APOL3: variants seen among roughly 807,000 people sequenced by gnomAD.
The protein encoded by APOL3 is apolipoprotein L3.
APOL3 carries 14 observed loss-of-function variants against 11.6 expected under a neutral mutation model. The ratio of observed to expected loss-of-function variants is 1.21; its 90% CI spans 0.80 to 1.89. The LOEUF is 1.89. Among genes scored for constraint, APOL3 ranks in the 40% most tolerant of loss-of-function variants. The pLI is 0.00. For synonymous variants in APOL3, 192 were observed against 190.6 expected (o/e 1.01, Z -0.06); for missense variants, 483 against 492.1 (o/e 0.98, Z 0.17).
intron 1 of APOL3, among the ~76,000 whole-genome samples, chr22:36,147,683 G>A (rs1271290916): frequency 6.6e-6 from 1 of 152,154 alleles, no homozygotes; most frequent in Non-Finnish European, 1.5e-5. Flanking sequence ...GGGGTATTTT[G>A]CTTTTATTTT....
intron 1 of APOL3, among the ~76,000 whole-genome samples, chr22:36,154,878 C>T (rs1480813426): frequency 3.3e-5 from 5 of 152,160 alleles, no homozygotes; most frequent in African/African-American, 1.2e-4. Flanking sequence ...GCTGAGATAC[C>T]CACTGGTAGA....
intron 1 of APOL3, among the ~76,000 whole-genome samples, chr22:36,148,059 A>C (rs183226941): frequency 3.9e-5 from 6 of 152,378 alleles, no homozygotes; most frequent in African/African-American, 1.4e-4. Context: ...TCCTTATTCC[A>C]CTTCCATATT....
rs138854776 is a variant in APOL3, at chr22:36,150,713, G to GCACA, written c.224-5118_224-5115dup. 7.3e-5 allele frequency among the ~76,000 whole-genome samples: 11 copies of GCACA among 150,082 alleles called. No individual in the cohort carries two copies. The East Asian group carries it at 7.8e-4, about 11-fold the overall frequency. ...GTGAAACCCTGTCTCTACTAAAAAT[G>GCACA]CACACACACACACACACACAAATTA... On this transcript the variant is annotated intron_variant, in intron 1 of 2. Transcript: ENST00000349314.
chr22:36,146,665 C>T (rs1049426886), intron 1 of APOL3, among the ~76,000 whole-genome samples: 3 of 151,910 alleles, frequency 2.0e-5, no homozygotes, highest in Non-Finnish European at 4.4e-5. Context: ...ACACAGGGTG[C>T]ATATGCTGTA....
intron 2 of APOL3, 28 bp downstream of exon 3, chr22:36,145,445 C>T (rs763406780): frequency 1.2e-6 from 2 of 1,611,854 alleles, no homozygotes; most frequent in Admixed American, 1.7e-5. Context: ...GCCGGGGCGC[C>T]CCATGGAGGT....
At chr22:36,154,549 G>A (rs1164092109) in intron 1 of APOL3, 5 of 461,158 alleles carry the variant, frequency 1.1e-5, no homozygotes, top group African/African-American at 2.0e-5. Context: ...GTTCCTGTTC[G>A]TAAGTGTTGA....
chr22:36,152,840 G>A lies in APOL3; in HGVS notation c.224-7241C>T, dbSNP rs370374602. On this transcript the variant is annotated intron_variant, in intron 1 of 2. Coordinates refer to ENST00000349314, the Ensembl canonical transcript of APOL3. ...TAAAGAAAAGCTGGCTAGGCACACT[G>A]GTTCACATCTGTAATCCCAGCACTT... Among the ~76,000 whole-genome samples the A allele has an allele frequency of 7.9e-5, 12 of 152,296 alleles. No individual in the cohort carries two copies. The East Asian group carries it at 1.7e-3, about 22-fold the overall frequency.
chr22:36,151,746 A>G (rs1186097122), intron 1 of APOL3, among the ~76,000 whole-genome samples: 1 of 152,148 alleles, frequency 6.6e-6, no homozygotes, highest in Non-Finnish European at 1.5e-5. Context: ...TGAGTCCAGG[A>G]GTTCTAGACC....
intron 2 of APOL3, 53 bp downstream of exon 3, chr22:36,145,420 G>C: frequency 1.9e-6 from 3 of 1,600,860 alleles, no homozygotes; most frequent in Non-Finnish European, 2.6e-6. Context: ...GCCCAGGGGA[G>C]ATCAGGATGG....
chr22:36,149,976 A>T (rs1283425547), intron 1 of APOL3: 1 of 412,384 alleles, frequency 2.4e-6, no homozygotes, highest in East Asian at 7.5e-5. Flanking sequence ...TAGGCACATT[A>T]AAAAAAAATT....
At chr22:36,161,073 A>G, upstream of APOL3, 1 of 614,968 alleles carries the variant, frequency 1.6e-6, no homozygotes, top group Non-Finnish European at 2.9e-6. Flanking sequence ...ACCCCCAATA[A>G]CACCACACTC....
rs183831085 is a variant in APOL3 at position 36,159,240 on chromosome 22, T to A, written c.223+1429A>T. 4 of 152,296 alleles carry A rather than the reference T, an allele frequency of 2.6e-5. No individual in the cohort carries two copies. The East Asian group carries it at 7.8e-4, about 30-fold the overall frequency. 9.4% of individuals were successfully genotyped at this position (152,296 alleles called of 1,614,324 possible). ...ATGTCAACTTTCCCCTGACTCGCAC[T>A]GCCCCGCCTCCCACCTCACCCCAGA... On this transcript the variant is annotated intron_variant, in intron 1 of 2. Coordinates refer to ENST00000349314, the Ensembl canonical transcript of APOL3.
chr22:36,160,656 AC>A lies in APOL3; in HGVS notation c.223+12del. 9 of 1,613,464 alleles carry A rather than the reference AC, an allele frequency of 5.6e-6. No individual in the cohort carries two copies. The highest frequency in any genetic ancestry group is 7.6e-6 in the Non-Finnish European group (9 of 1,179,600). ...ATGGGGAGATGGGGAAGGTCAGACCACCCCTAACTTACCAAGGAAGCTTCTC... is the reference window on the plus strand; with the variant it reads ...ATGGGGAGATGGGGAAGGTCAGACCACCCTAACTTACCAAGGAAGCTTCTC... On this transcript the variant is annotated intron_variant, in intron 1 of 2. Coordinates refer to ENST00000349314, the Ensembl canonical transcript of APOL3.
intron 1 of APOL3, among the ~76,000 whole-genome samples, chr22:36,152,431 A>G (rs985518763): frequency 6.6e-6 from 1 of 152,230 alleles, no homozygotes; most frequent in East Asian, 1.9e-4. Flanking sequence ...TATGAGAACT[A>G]AATCTACTTG....
At chr22:36,152,968 G>A (rs1372839385) in intron 1 of APOL3, among the ~76,000 whole-genome samples, 4 of 152,040 alleles carry the variant, frequency 2.6e-5, no homozygotes, top group South Asian at 2.1e-4. Context: ...AAAATTAGCC[G>A]GGCATGGTGG....
At chr22:36,162,051 T>G (rs190753091), upstream of APOL3, among the ~76,000 whole-genome samples, 26 of 152,318 alleles carry the variant, frequency 1.7e-4, no homozygotes, top group African/African-American at 6.3e-4. Context: ...CCCGCATTCA[T>G]GATAAACAGT....
intron 1 of APOL3, among the ~76,000 whole-genome samples, chr22:36,151,751 T>C (rs1048280429): frequency 6.6e-6 from 1 of 152,152 alleles, no homozygotes; most frequent in African/African-American, 2.4e-5. Context: ...CCAGGAGTTC[T>C]AGACCAGTAT....
intron 1 of APOL3, among the ~76,000 whole-genome samples, chr22:36,157,660 A>T (rs755655236): frequency 6.6e-6 from 1 of 152,246 alleles, no homozygotes; most frequent in Non-Finnish European, 1.5e-5. Flanking sequence ...ATAAAATGAA[A>T]GAATAGGAAG....
chr22:36,148,302 CT>C (rs964207492), intron 1 of APOL3, among the ~76,000 whole-genome samples: 3 of 152,132 alleles, frequency 2.0e-5, no homozygotes, highest in African/African-American at 7.2e-5. Context: ...GGCAGGCGCC[CT>C]GGGGGACAAA....
Sources: gnomAD v4.1 joint callset for allele counts (sites outside exome capture counted in the v4.1 genomes callset) on GRCh38, gnomAD v4.1.1 for gene constraint, MANE v1.5 for transcripts, NCBI Gene and HGNC (gene_info 2026-07-23, HGNC 2026-07-21) for gene names.